Variants in RBFOX1 observed in about 807,000 individuals in gnomAD.
RBFOX1 encodes the protein RNA binding fox-1 homolog 1, also known as RNA binding protein fox-1 homolog 1.
In RBFOX1, 8 loss-of-function variants were observed where a neutral mutation model predicts 57.7. That is an observed-to-expected ratio of 0.14 (90% CI 0.08 to 0.25). The LOEUF (loss-of-function observed/expected upper bound fraction) is 0.25. Ranked by LOEUF, RBFOX1 falls within the 10% of genes least tolerant of loss-of-function variation. The pLI, the probability that RBFOX1 is intolerant of heterozygous loss-of-function variation, is 1.00. For missense variants in RBFOX1, 611 were observed against 548.5 expected (o/e 1.11, Z -1.14); for synonymous variants, 326 against 222.4 (o/e 1.47, Z -4.15).
intron 1 of RBFOX1, among the ~76,000 whole-genome samples, chr16:5,412,709 A>T (rs2067053526): frequency 6.6e-6 from 1 of 152,178 alleles, no homozygotes; most frequent in African/African-American, 2.4e-5. Flanking sequence ...CATTCCTCAG[A>T]GGAGTCGGAA....
intron 1 of RBFOX1, among the ~76,000 whole-genome samples, chr16:6,096,891 C>T (rs1395671144): frequency 6.6e-6 from 1 of 152,338 alleles, no homozygotes; most frequent in South Asian, 2.1e-4. Context: ...CAGACCCTTC[C>T]TCAGACCTAC....
intron 1 of RBFOX1, among the ~76,000 whole-genome samples, chr16:6,025,580 A>C (rs2095175311): frequency 6.6e-6 from 1 of 152,160 alleles, no homozygotes; most frequent in Non-Finnish European, 1.5e-5. Context: ...GTCTCCTGGG[A>C]GTACCCTGAG....
intron 1 of RBFOX1, among the ~76,000 whole-genome samples, chr16:5,438,333 C>T (rs989874490): frequency 6.6e-6 from 1 of 152,186 alleles, no homozygotes; most frequent in Non-Finnish European, 1.5e-5. Flanking sequence ...GGATCTATGG[C>T]TCAGATTCAT....
At chr16:6,556,017 T>C (rs2097093354) in intron 2 of RBFOX1, among the ~76,000 whole-genome samples, 2 of 152,182 alleles carry the variant, frequency 1.3e-5, no homozygotes, top group Admixed American at 6.5e-5. Flanking sequence ...CTTGGTAATA[T>C]TAGTCTTACT....
chr16:7,665,061 G>T, intron 13 of RBFOX1, 93 bp downstream of exon 13: 1 of 1,610,504 alleles, frequency 6.2e-7, no homozygotes, highest in South Asian at 1.1e-5. Flanking sequence ...TGGCGTAGTT[G>T]AGTTTCTCTC....
intron 4 of RBFOX1, among the ~76,000 whole-genome samples, chr16:7,469,573 G>T (rs532193450): frequency 5.3e-5 from 8 of 152,034 alleles, no homozygotes; most frequent in Non-Finnish European, 7.4e-5. Flanking sequence ...AATAGTTTTA[G>T]ATTTATTGAA....
At chr16:7,019,355 C>T (rs1352677238) in intron 3 of RBFOX1, among the ~76,000 whole-genome samples, 1 of 151,936 alleles carries the variant, frequency 6.6e-6, no homozygotes, top group South Asian at 2.1e-4. Context: ...GGAGTAAGAC[C>T]TTTTAGCTGA....
chr16:7,026,667 T>C lies in RBFOX1; in HGVS notation c.-15-25390T>C, dbSNP rs528798299. On this transcript the variant is annotated intron_variant, in intron 3 of 15. Transcript: ENST00000550418. ...AGGATCCAGCTGAAACAACCAGAAA[T>C]ACTGTCCCTGTACCTCTCAGGTCGG... Among the ~76,000 whole-genome samples, 14 of 152,242 alleles carry C rather than the reference T, an allele frequency of 9.2e-5. 1 individual carries two copies. The highest frequency in any genetic ancestry group is 3.4e-4 in the African/African-American group (14 of 41,564).
At chr16:6,189,563 G>A (rs773299890) in intron 1 of RBFOX1, among the ~76,000 whole-genome samples, 10 of 152,166 alleles carry the variant, frequency 6.6e-5, no homozygotes, top group African/African-American at 9.7e-5. Flanking sequence ...CCACAGGGAC[G>A]TGGCTGTCCC....
intron 14 of RBFOX1, among the ~76,000 whole-genome samples, chr16:7,706,491 C>T (rs189267585): frequency 1.8e-3 from 274 of 152,304 alleles, no homozygotes; most frequent in Non-Finnish European, 3.4e-3. Context: ...GTGGGAGCTA[C>T]GCTTTTATTA....
intron 2 of RBFOX1, among the ~76,000 whole-genome samples, chr16:6,328,856 T>C (rs2082677996): frequency 6.6e-6 from 1 of 152,114 alleles, no homozygotes; most frequent in Non-Finnish European, 1.5e-5. Context: ...ATTACTGCTC[T>C]GCTGAGTTAA....
intron 4 of RBFOX1, among the ~76,000 whole-genome samples, chr16:7,348,180 G>T (rs1174457834): frequency 6.6e-6 from 1 of 152,104 alleles, no homozygotes; most frequent in African/African-American, 2.4e-5. Flanking sequence ...CAAACATACA[G>T]AGATATATGC....
intron 4 of RBFOX1, among the ~76,000 whole-genome samples, chr16:5,877,613 G>C (rs537738257): frequency 1.7e-4 from 26 of 152,370 alleles, no homozygotes; most frequent in African/African-American, 6.2e-4. Flanking sequence ...GTGTTAAACA[G>C]CAGCTTTTAT....
intron 2 of RBFOX1, among the ~76,000 whole-genome samples, chr16:6,570,557 T>C (rs1258532954): frequency 6.6e-6 from 1 of 152,184 alleles, no homozygotes; most frequent in East Asian, 1.9e-4. Flanking sequence ...GTATGCTTAA[T>C]TGGAAAAAAT....
intron 3 of RBFOX1, among the ~76,000 whole-genome samples, chr16:5,720,383 T>C (rs2051883738): frequency 6.6e-6 from 1 of 152,236 alleles, no homozygotes; most frequent in African/African-American, 2.4e-5. Flanking sequence ...TGTTTGCCAT[T>C]GCTATTATTA....
intron 2 of RBFOX1, among the ~76,000 whole-genome samples, chr16:6,380,901 G>A (rs559819338): frequency 6.6e-6 from 1 of 152,148 alleles, no homozygotes; most frequent in African/African-American, 2.4e-5. Context: ...GTTTTACCAA[G>A]TGGAGGAACA....
rs113024200 is a variant in RBFOX1 at position 7,192,199 on chromosome 16, G to T, written c.27+140101G>T. Among the ~76,000 whole-genome samples the T allele has an allele frequency of 9.0e-3, 1,375 of 152,354 alleles. 21 individuals carry two copies. The highest frequency in any genetic ancestry group is 0.031 in the African/African-American group (1,269 of 41,588). ...TCTAGTTCTGATGCCAGATTTCTCA[G>T]AATCTCCTGTGTTTTACTGGCATTT... is the stretch of plus-strand genomic sequence containing the variant. On this transcript the variant is annotated intron_variant, in intron 4 of 15. Coordinates refer to ENST00000550418, the MANE Select transcript of RBFOX1 (RefSeq NM_018723.4).
Position 5,785,870 on chromosome 16 carries a change from C to A in RBFOX1, c.319-81433C>A, listed in dbSNP as rs539793060. 1.1e-3 allele frequency among the ~76,000 whole-genome samples: 168 copies of A among 152,188 alleles called. 2 individuals are homozygous for A. The highest frequency in any genetic ancestry group is 3.8e-3 in the African/African-American group (158 of 41,526). On this transcript the variant is annotated intron_variant, in intron 3 of 19. Transcript: ENST00000641259. ...TGAAAAAATCTGCCTCTCTTCATTC[C>A]CACTGTCATTACGTTAGACCACATC...
rs138170204 is a variant in RBFOX1, at chr16:5,272,425, G to A, written c.219+32320G>A. 6.4e-3 allele frequency among the ~76,000 whole-genome samples: 982 copies of A among 152,294 alleles called. 10 individuals carry two copies. The highest frequency in any genetic ancestry group is 0.022 in the African/African-American group (914 of 41,560). ...TTGATGGAACTGGAACATGCACCAA[G>A]GCTGTTGCTCTCAGGCCCACAGAGT... On this transcript the variant is annotated intron_variant, in intron 1 of 2. Coordinates refer to the RBFOX1 transcript ENST00000585867.
Sources: gnomAD v4.1 joint callset for allele counts (sites outside exome capture counted in the v4.1 genomes callset) on GRCh38, gnomAD v4.1.1 for gene constraint, MANE v1.5 for transcripts, NCBI Gene and HGNC (gene_info 2026-07-23, HGNC 2026-07-21) for gene names.